SOX5: variants seen among roughly 807,000 people sequenced by gnomAD.
SOX5 encodes the protein transcription factor SOX-5.
In SOX5, 9 loss-of-function variants were observed where a neutral mutation model predicts 92.0. The observed-to-expected ratio is 0.10, with a 90% CI of 0.06 to 0.17. SOX5 has a LOEUF of 0.17. Ranked by LOEUF, SOX5 falls within the 10% of genes least tolerant of loss-of-function variation. SOX5 has a pLI of 1.00. For missense variants in SOX5, 642 were observed against 944.5 expected, an observed-to-expected ratio of 0.68 and a Z score of 4.20; for synonymous variants, 344 against 336.3, an observed-to-expected ratio of 1.02 and a Z score of -0.25.
intron 4 of SOX5, among the ~76,000 whole-genome samples, chr12:24,177,089 C>T (rs1001308438): frequency 1.3e-5 from 2 of 150,182 alleles, no homozygotes; most frequent in South Asian, 4.3e-4. Flanking sequence ...ACATCTTAAA[C>T]CAAGGTAAGA....
intron 8 of SOX5, among the ~76,000 whole-genome samples, chr12:23,625,654 G>A (rs184698216): frequency 6.6e-6 from 1 of 152,266 alleles, no homozygotes; most frequent in Admixed American, 6.5e-5. Flanking sequence ...CCGTTGCCCA[G>A]GCTGGTGTGC....
chr12:24,332,760 A>G (rs1346499702), intron 2 of SOX5, among the ~76,000 whole-genome samples: 1 of 152,086 alleles, frequency 6.6e-6, no homozygotes, highest in Non-Finnish European at 1.5e-5. Context: ...ACCATTTGAA[A>G]TCTACACTGA....
At chr12:24,421,108 T>C (rs1965840116) in intron 1 of SOX5, among the ~76,000 whole-genome samples, 1 of 152,170 alleles carries the variant, frequency 6.6e-6, no homozygotes, top group African/African-American at 2.4e-5. Context: ...TTATAAAACA[T>C]AATGAAATGC....
intron 4 of SOX5, among the ~76,000 whole-genome samples, chr12:24,099,458 C>T (rs929073640): frequency 1.1e-4 from 16 of 152,124 alleles, no homozygotes; most frequent in African/African-American, 3.4e-4. Flanking sequence ...GTCCTGAATT[C>T]GGATGAAGGA....
intron 1 of SOX5, among the ~76,000 whole-genome samples, chr12:24,492,751 C>G (rs1489638995): frequency 6.6e-6 from 1 of 152,016 alleles, no homozygotes; most frequent in Non-Finnish European, 1.5e-5. Flanking sequence ...TGAAAATTGG[C>G]CTTTTATGAA....
chr12:23,786,575 A>C (rs2095382905), intron 3 of SOX5, among the ~76,000 whole-genome samples: 1 of 151,384 alleles, frequency 6.6e-6, no homozygotes, highest in Non-Finnish European at 1.5e-5. Context: ...GAGACCTAGA[A>C]ATCATAGTGC....
At chr12:24,154,835 T>C (rs904971079) in intron 4 of SOX5, among the ~76,000 whole-genome samples, 4 of 152,104 alleles carry the variant, frequency 2.6e-5, no homozygotes, top group African/African-American at 9.7e-5. Context: ...ACTGATAGAA[T>C]TAATAATAAT....
chr12:24,320,805 C>G (rs1046738782), intron 2 of SOX5, among the ~76,000 whole-genome samples: 1 of 151,002 alleles, frequency 6.6e-6, no homozygotes, highest in Non-Finnish European at 1.5e-5. Flanking sequence ...GCGGAGCTTG[C>G]AGTGAGCTGA....
At chr12:24,141,185 TG>T (rs1256025696) in intron 4 of SOX5, among the ~76,000 whole-genome samples, 3 of 152,208 alleles carry the variant, frequency 2.0e-5, no homozygotes, top group African/African-American at 7.2e-5. Flanking sequence ...ATATATGGAA[TG>T]TTTTTTTAAA....
intron 7 of SOX5, among the ~76,000 whole-genome samples, chr12:23,657,541 C>T (rs991022914): frequency 6.6e-6 from 1 of 152,132 alleles, no homozygotes; most frequent in African/African-American, 2.4e-5. Context: ...AGTCTTAGAA[C>T]ATGCTTACTG....
intron 1 of SOX5, among the ~76,000 whole-genome samples, chr12:23,939,997 T>C (rs1595792280): frequency 6.6e-6 from 1 of 151,256 alleles, no homozygotes; most frequent in Admixed American, 6.6e-5. Context: ...AGACATATAC[T>C]GTCCATAGCC....
chr12:24,411,668 A>T (rs1001976250), intron 1 of SOX5, among the ~76,000 whole-genome samples: 2 of 152,204 alleles, frequency 1.3e-5, no homozygotes, highest in East Asian at 3.8e-4. Flanking sequence ...GCCTTTGGTC[A>T]TGATGTATAA....
At chr12:24,224,982 T>A (rs1489345277) in intron 3 of SOX5, among the ~76,000 whole-genome samples, 2 of 152,216 alleles carry the variant, frequency 1.3e-5, no homozygotes, top group Non-Finnish European at 2.9e-5. Context: ...ATTTAGTGTG[T>A]TGAATTCTCA....
At chr12:23,890,122 C>T (rs1377739077) in intron 2 of SOX5, among the ~76,000 whole-genome samples, 1 of 152,110 alleles carries the variant, frequency 6.6e-6, no homozygotes, top group East Asian at 1.9e-4. Flanking sequence ...GAGTTCGAGA[C>T]CAGCCTGGCC....
At chr12:24,336,803 C>T (rs577026909) in intron 2 of SOX5, among the ~76,000 whole-genome samples, 4 of 152,288 alleles carry the variant, frequency 2.6e-5, no homozygotes, top group African/African-American at 9.6e-5. Context: ...GCATAGCTGT[C>T]GCCATAGAAC....
intron 12 of SOX5, among the ~76,000 whole-genome samples, chr12:23,543,816 G>A (rs1190854770): frequency 6.6e-6 from 1 of 152,186 alleles, no homozygotes; most frequent in East Asian, 1.9e-4. Context: ...GCTACTTAAA[G>A]ACTGTCTGAA....
intron 4 of SOX5, among the ~76,000 whole-genome samples, chr12:24,190,596 C>T (rs1956425685): frequency 6.6e-6 from 1 of 152,094 alleles, no homozygotes; most frequent in Non-Finnish European, 1.5e-5. Flanking sequence ...TCATGTGACA[C>T]TATAGACATT....
At chr12:23,733,228 A>T (rs1263042457) in intron 6 of SOX5, among the ~76,000 whole-genome samples, 1 of 152,216 alleles carries the variant, frequency 6.6e-6, no homozygotes, top group African/African-American at 2.4e-5. Context: ...AAATTGCAGT[A>T]AAATCAAGTG....
At position 23,774,454 on chromosome 12, in the gene SOX5, T is replaced by A. The variant is rs1225443210; in HGVS notation, c.482-18730A>T. Among the ~76,000 whole-genome samples the A allele has an allele frequency of 2.0e-5, 3 of 152,198 alleles. No homozygotes were observed. The East Asian group carries it at 5.8e-4, about 29-fold the overall frequency. ...AAGACTGCCATTGAAAAATAATATT[T>A]TTATTTTTCTTCCTTTGCACCCAAA... On this transcript the variant is annotated intron_variant, in intron 3 of 14. Coordinates refer to ENST00000451604, the MANE Select transcript of SOX5 (RefSeq NM_006940.6).
Sources: gnomAD v4.1 joint callset for allele counts (sites outside exome capture counted in the v4.1 genomes callset) on GRCh38, gnomAD v4.1.1 for gene constraint, MANE v1.5 for transcripts, NCBI Gene and HGNC (gene_info 2026-07-23, HGNC 2026-07-21) for gene names.